ZFAT: variants seen among roughly 807,000 people sequenced by gnomAD.
ZFAT encodes zinc finger protein ZFAT.
In ZFAT, 64 loss-of-function variants were observed where a neutral mutation model predicts 117.7. The ratio of observed to expected loss-of-function variants is 0.54; its 90% CI spans 0.44 to 0.67. The LOEUF is 0.67. Among genes scored for constraint, ZFAT ranks in the 30% least tolerant of loss-of-function variants. ZFAT has a pLI of 0.00. For missense variants in ZFAT, 1,433 were observed against 1,584.5 expected (o/e 0.90, Z 1.62); for synonymous variants, 679 against 615.0 (o/e 1.10, Z -1.54).
Position 134,550,310 on chromosome 8 carries a change from G to GAAAAAAAAAAAAAA in ZFAT, c.2976+15009_2976+15022dup, listed in dbSNP as rs10680896. 1.2e-3 allele frequency among the ~76,000 whole-genome samples: 90 copies of GAAAAAAAAAAAAAA among 72,526 alleles called. 10 individuals carry two copies. The highest frequency in any genetic ancestry group is 1.9e-3 in the Non-Finnish European group (75 of 38,902). 47.6% of individuals were successfully genotyped at this position (72,526 alleles called of 152,430 possible). A position where few individuals can be genotyped will look rare whatever the true frequency, so the allele number is the denominator to read the frequency against. Reference sequence around the variant, plus strand: ...ATTCCATCCAGGGTTGGTCACAACGGAAAAAAAAAAAAAAAAAAAAAACAG... The same window carrying GAAAAAAAAAAAAAA: ...ATTCCATCCAGGGTTGGTCACAACGGAAAAAAAAAAAAAAAAAAAAAAAAAAAAAAAAAAAACAG... On this transcript the variant is annotated intron_variant, in intron 11 of 15. Coordinates refer to ENST00000377838, the MANE Select transcript of ZFAT (RefSeq NM_020863.4).
At chr8:134,757,310 C>T in the ZFAT span, among the ~76,000 whole-genome samples, 1 of 152,134 alleles carries the variant, frequency 6.6e-6, no homozygotes, top group African/African-American at 2.4e-5. Flanking sequence ...AGCCACCGCA[C>T]CCAGCCCTTC....
At chr8:134,567,442 C>T (rs1053016162) in intron 10 of ZFAT, among the ~76,000 whole-genome samples, 2 of 145,806 alleles carry the variant, frequency 1.4e-5, no homozygotes, top group Non-Finnish European at 3.0e-5. Flanking sequence ...CTTCATAAAA[C>T]CCTACCAACC....
At chr8:134,550,914 T>C (rs1271572463) in intron 11 of ZFAT, among the ~76,000 whole-genome samples, 1 of 152,012 alleles carries the variant, frequency 6.6e-6, no homozygotes, top group Non-Finnish European at 1.5e-5. Context: ...TTCTTGCAAA[T>C]TTGGAACTGA....
intron 2 of ZFAT, among the ~76,000 whole-genome samples, chr8:134,653,419 G>GTTTTTTTTTT (rs61711569): frequency 3.9e-5 from 2 of 51,332 alleles, no homozygotes; most frequent in Non-Finnish European, 6.6e-5. Flanking sequence ...CGTTTTATCT[G>GTTTTTTTTTT]TTTTTTTTTT....
the ZFAT span, chr8:134,766,380 T>G: frequency 6.6e-6 from 1 of 152,180 alleles, no homozygotes; most frequent in Non-Finnish European, 1.5e-5. Flanking sequence ...AAGGAAAATT[T>G]CAAGTGTTTA....
intron 1 of ZFAT, among the ~76,000 whole-genome samples, chr8:134,686,071 G>A (rs1217482241): frequency 6.6e-6 from 1 of 152,230 alleles, no homozygotes; most frequent in African/African-American, 2.4e-5. Flanking sequence ...CTGGTCCCCA[G>A]AGGGGGTGCA....
At chr8:134,485,489 T>G (rs1341678693) in intron 15 of ZFAT, among the ~76,000 whole-genome samples, 2 of 152,232 alleles carry the variant, frequency 1.3e-5, no homozygotes, top group Non-Finnish European at 2.9e-5. Flanking sequence ...GGAGGCTGGC[T>G]GAAGCAGGAA....
At chr8:134,506,809 C>T (rs936616462) in intron 15 of ZFAT, among the ~76,000 whole-genome samples, 8 of 152,120 alleles carry the variant, frequency 5.3e-5, no homozygotes, top group African/African-American at 1.7e-4. Flanking sequence ...TGTTTTTGGT[C>T]TTGTGGAAGA....
At chr8:134,561,663 C>CATCTACA (rs1824060742) in intron 11 of ZFAT, among the ~76,000 whole-genome samples, 2 of 152,220 alleles carry the variant, frequency 1.3e-5, no homozygotes, top group East Asian at 3.9e-4. Context: ...GTAAATTGTA[C>CATCTACA]ATCTACATCT....
chr8:134,781,210 C>T, the ZFAT span, among the ~76,000 whole-genome samples: 2 of 152,148 alleles, frequency 1.3e-5, no homozygotes, highest in Admixed American at 6.5e-5. Context: ...ACTGCAGTCT[C>T]AATCTCCTGT....
chr8:134,677,868 G>A (rs920915207), intron 1 of ZFAT, among the ~76,000 whole-genome samples: 1 of 152,108 alleles, frequency 6.6e-6, no homozygotes, highest in African/African-American at 2.4e-5. Flanking sequence ...CTCAATAGAC[G>A]CTGAAAAGGC....
chr8:134,592,753 G>A (rs572000417), intron 7 of ZFAT, among the ~76,000 whole-genome samples: 5 of 152,142 alleles, frequency 3.3e-5, no homozygotes, highest in East Asian at 1.9e-4. Context: ...CTCCGAGAGC[G>A]GGATCTGAAG....
At chr8:134,802,396 A>G in the ZFAT span, among the ~76,000 whole-genome samples, 1 of 152,212 alleles carries the variant, frequency 6.6e-6, no homozygotes, top group Non-Finnish European at 1.5e-5. Flanking sequence ...TCGACGCAAT[A>G]CCACATGCAT....
chr8:134,692,882 C>T (rs1833649911), intron 1 of ZFAT, among the ~76,000 whole-genome samples: 1 of 152,086 alleles, frequency 6.6e-6, no homozygotes, highest in Non-Finnish European at 1.5e-5. Flanking sequence ...AAATAAGTAA[C>T]TATATTATGG....
intron 10 of ZFAT, among the ~76,000 whole-genome samples, chr8:134,570,084 C>G (rs1447615640): frequency 6.6e-6 from 1 of 152,116 alleles, no homozygotes; most frequent in Non-Finnish European, 1.5e-5. Flanking sequence ...TCACCTCTCT[C>G]CACTCCATAG....
intron 12 of ZFAT, among the ~76,000 whole-genome samples, chr8:134,527,615 A>C (rs1821116082): frequency 1.3e-5 from 2 of 152,242 alleles, no homozygotes; most frequent in African/African-American, 4.8e-5. Context: ...CGGAAGTCAC[A>C]TGCAAGCACT....
chr8:134,600,257 G>T (rs1250097569), intron 7 of ZFAT, 179 bp downstream of exon 7: 24 of 676,406 alleles, frequency 3.5e-5, no homozygotes, highest in Non-Finnish European at 5.8e-5. Context: ...ACGTATTAGA[G>T]ACTCTTGCTG....
chr8:134,608,925 T>C (rs1209820527), intron 4 of ZFAT, 46 bp from the exon 5 acceptor site: 3 of 1,582,784 alleles, frequency 1.9e-6, no homozygotes, highest in Non-Finnish European at 1.7e-6. Flanking sequence ...GCATCGAAAG[T>C]GGGCACTGAC....
At chr8:134,547,289 A>G (rs1822772638) in intron 11 of ZFAT, among the ~76,000 whole-genome samples, 1 of 152,232 alleles carries the variant, frequency 6.6e-6, no homozygotes. Flanking sequence ...CTCTCCTGCT[A>G]ACGGATCAGA....
Sources: gnomAD v4.1 joint callset for allele counts (sites outside exome capture counted in the v4.1 genomes callset) on GRCh38, gnomAD v4.1.1 for gene constraint, MANE v1.5 for transcripts, NCBI Gene and HGNC (gene_info 2026-07-23, HGNC 2026-07-21) for gene names.